KANK4: variants seen among roughly 807,000 people sequenced by gnomAD.
KANK4 encodes the protein KN motif and ankyrin repeat domain-containing protein 4.
A neutral mutation model predicts 80.8 loss-of-function variants in KANK4; 50 were observed. The ratio of observed to expected loss-of-function variants is 0.62; its 90% CI spans 0.49 to 0.78. KANK4 has a LOEUF of 0.78. Among genes scored for constraint, KANK4 ranks in the 30% least tolerant of loss-of-function variants. KANK4 has a pLI of 0.00. For missense variants in KANK4, 1,196 were observed against 1,240.1 expected, an observed-to-expected ratio of 0.96 and a Z score of 0.53; for synonymous variants, 465 against 506.9, an observed-to-expected ratio of 0.92 and a Z score of 1.11.
chr1:62,273,044 G>A (rs778525390), intron 3 of KANK4, among the ~76,000 whole-genome samples, 160 bp downstream of exon 3: 62 of 152,202 alleles, frequency 4.1e-4, no homozygotes, highest in Non-Finnish European at 6.8e-4. Flanking sequence ...TCCCACCTCC[G>A]CCTCCCAAAG....
chr1:62,315,657 G>C (rs1043247946), intron 1 of KANK4, among the ~76,000 whole-genome samples: 3 of 152,170 alleles, frequency 2.0e-5, no homozygotes, highest in Non-Finnish European at 4.4e-5. Context: ...CACAACATCA[G>C]AGTTTTAAAA....
chr1:62,304,875 C>T (rs1644438744), intron 1 of KANK4, among the ~76,000 whole-genome samples: 1 of 152,126 alleles, frequency 6.6e-6, no homozygotes, highest in Non-Finnish European at 1.5e-5. Flanking sequence ...CACAACTTCT[C>T]TGGGCCTCAG....
rs769669192 is a variant in KANK4 at position 62,273,800 on chromosome 1, T to C, written c.1304A>G (p.Asn435Ser). 1.9e-6 allele frequency: 3 copies of C among 1,613,986 alleles called. No individual in the cohort carries two copies. The highest frequency in any genetic ancestry group is 2.5e-6 in the Non-Finnish European group (3 of 1,180,022). The change falls in exon 3 of 10, where the codon AAC becomes AGC. Residue 435 changes from asparagine to serine, a missense_variant. Asn to Ser is a conservative substitution (Grantham distance 46). Transcript: ENST00000371153. ...TTCAGACTCCATGCTGCCTAGAAGG[T>C]TGACTTCAATGCCCTTATCACACGA... ...RESCDKGIEV[N>S]LLGSMESESW...
At chr1:62,282,191 A>AC (rs2149152746) in intron 1 of KANK4, among the ~76,000 whole-genome samples, 1 of 152,298 alleles carries the variant, frequency 6.6e-6, no homozygotes, top group South Asian at 2.1e-4. Flanking sequence ...CATGGGCAGA[A>AC]CAAGGGGAAG....
intron 1 of KANK4, among the ~76,000 whole-genome samples, chr1:62,289,661 A>G (rs1357946786): frequency 6.9e-6 from 1 of 145,258 alleles, no homozygotes; most frequent in Non-Finnish European, 1.6e-5. Flanking sequence ...TCATAGTCAC[A>G]TGTGATTTCT....
rs1377776703 is a variant in KANK4 at position 62,237,407 on chromosome 1, C to T, written c.*870G>A. The T allele has an allele frequency of 6.6e-6, 1 of 152,122 alleles. No homozygotes were observed. The highest frequency in any genetic ancestry group is 1.5e-5 in the Non-Finnish European group (1 of 68,034). The allele number at this position is 152,122 out of a possible 1,614,324, so 9.4% of individuals were successfully genotyped here. On this transcript the variant is annotated 3_prime_UTR_variant, in exon 10 of 10. Coordinates refer to ENST00000371153, the MANE Select transcript of KANK4 (RefSeq NM_181712.5). ...GTAATGGATACGGCTATGCAGGTGG[C>T]TTCTTGATGACAATAACCCATCCTC...
chr1:62,260,027 C>T (rs1199199884), intron 7 of KANK4, among the ~76,000 whole-genome samples: 1 of 152,106 alleles, frequency 6.6e-6, no homozygotes, highest in African/African-American at 2.4e-5. Flanking sequence ...AGTCTGTAAC[C>T]CTGATTCTAC....
chr1:62,300,729 C>G (rs1644404917), intron 1 of KANK4, among the ~76,000 whole-genome samples: 1 of 151,932 alleles, frequency 6.6e-6, no homozygotes. Context: ...CAGGGAGGAA[C>G]AAGACGAAAG....
chr1:62,305,659 TC>T (rs1285773426), intron 1 of KANK4, among the ~76,000 whole-genome samples: 2 of 151,876 alleles, frequency 1.3e-5, no homozygotes, highest in African/African-American at 4.8e-5. Flanking sequence ...GATTTTAAGC[TC>T]CACTGTGAAA....
At chr1:62,295,950 ACT>A (rs34972493) in intron 1 of KANK4, among the ~76,000 whole-genome samples, 109,054 of 151,896 alleles carry the variant, frequency 0.72, 40,569 homozygotes, top group African/African-American at 0.91. Context: ...TTAAGTATTG[ACT>A]CTGTCCTGGG....
chr1:62,248,125 C>T (rs762724181), intron 8 of KANK4, among the ~76,000 whole-genome samples: 1 of 152,154 alleles, frequency 6.6e-6, no homozygotes, highest in Non-Finnish European at 1.5e-5. Flanking sequence ...CCCCAGGAAG[C>T]CTTCTCTGCT....
chr1:62,300,907 C>T (rs1644406678), intron 1 of KANK4, among the ~76,000 whole-genome samples: 1 of 151,984 alleles, frequency 6.6e-6, no homozygotes, highest in Non-Finnish European at 1.5e-5. Flanking sequence ...CCTAAATGCT[C>T]CTTTTATTTA....
intron 1 of KANK4, among the ~76,000 whole-genome samples, chr1:62,310,470 G>A (rs1477310811): frequency 6.6e-6 from 1 of 152,110 alleles, no homozygotes; most frequent in East Asian, 1.9e-4. Flanking sequence ...CAGAAAAGGG[G>A]TTTGGGGGGC....
chr1:62,240,340 T>C (rs1327330910), intron 9 of KANK4, among the ~76,000 whole-genome samples: 1 of 152,224 alleles, frequency 6.6e-6, no homozygotes, highest in Non-Finnish European at 1.5e-5. Context: ...TTCATATCCT[T>C]TGCCCACTTT....
Position 62,236,635 on chromosome 1 carries a change from C to T in KANK4, c.*1642G>A, listed in dbSNP as rs924088801. The stretch of plus-strand genomic sequence containing the variant: ...TTTTGAGACAGAGTTTTGCTCGTTA[C>T]CCAGGCTGGAGTGCAATGGCACGAT... On this transcript the variant is annotated 3_prime_UTR_variant, in exon 10 of 10. Transcript: ENST00000371153. Among the ~76,000 whole-genome samples the T allele has an allele frequency of 7.2e-6, 1 of 138,834 alleles. No homozygotes were observed. Among genetic ancestry groups the T allele is most frequent in the Non-Finnish European group, 1.5e-5 (1 of 65,830 alleles). The allele number at this position is 138,834 out of a possible 152,430, so 91.1% of individuals were successfully genotyped here.
chr1:62,308,458 C>T (rs1429103955), intron 1 of KANK4, among the ~76,000 whole-genome samples: 3 of 152,142 alleles, frequency 2.0e-5, no homozygotes, highest in African/African-American at 7.2e-5. Flanking sequence ...GCACCCCCTA[C>T]CCCTCCTCAC....
intron 8 of KANK4, among the ~76,000 whole-genome samples, chr1:62,248,274 C>T (rs977610120): frequency 6.6e-5 from 10 of 152,162 alleles, no homozygotes; most frequent in Admixed American, 3.9e-4. Flanking sequence ...CATAGGTGGA[C>T]GTAGCAATGA....
chr1:62,318,457 G>A (rs1269370103), intron 1 of KANK4, among the ~76,000 whole-genome samples: 5 of 152,266 alleles, frequency 3.3e-5, no homozygotes, highest in Admixed American at 6.5e-5. Flanking sequence ...GGAGCCCACA[G>A]GAGGCATGCG....
At position 62,273,422 on chromosome 1, in the gene KANK4, C is replaced by T. The variant is rs548965934; in HGVS notation, c.1682G>A (p.Gly561Glu). The change falls in exon 3 of 10, where the codon GGG becomes GAG. Residue 561 changes from glycine to glutamate, a missense_variant. Physicochemically the swap from Gly to Glu is moderately conservative, Grantham distance 98 (BLOSUM62 -2). Transcript: ENST00000371153. ...PPSSPTDATIGQYVKKIQELL... is the reference protein window; with the variant it reads ...PPSSPTDATIEQYVKKIQELL... ...CTCCTGGATCTTCTTCACATACTGCCCAATAGTGGCATCCGTTGGCGAGCT... is the reference window on the plus strand; with the variant it reads ...CTCCTGGATCTTCTTCACATACTGCTCAATAGTGGCATCCGTTGGCGAGCT... 5.0e-6 allele frequency: 8 copies of T among 1,613,210 alleles called. No individual in the cohort carries two copies. In the South Asian group the frequency reaches 8.8e-5, roughly 18 times the overall value.
Sources: allele counts gnomAD v4.1 joint callset (sites outside exome capture counted in the v4.1 genomes callset), GRCh38; gene constraint gnomAD v4.1.1; transcripts MANE v1.5; gene names NCBI Gene and HGNC (gene_info 2026-07-23, HGNC 2026-07-21).